RORA: variants seen among roughly 807,000 people sequenced by gnomAD.
The protein encoded by RORA is RAR related orphan receptor A, also known as nuclear receptor ROR-alpha.
A neutral mutation model predicts 69.5 loss-of-function variants in RORA; 7 were observed. The observed-to-expected ratio is 0.10, with a 90% CI of 0.06 to 0.19. The LOEUF is 0.19. Among genes scored for constraint, RORA ranks in the 10% least tolerant of loss-of-function variants. The pLI, the probability that RORA is intolerant of heterozygous loss-of-function variation, is 1.00. For missense variants in RORA, 457 were observed against 663.0 expected, an observed-to-expected ratio of 0.69 and a Z score of 3.41; for synonymous variants, 261 against 240.8, an observed-to-expected ratio of 1.08 and a Z score of -0.78.
At chr15:61,030,757 T>C (rs1896123125) in intron 1 of RORA, among the ~76,000 whole-genome samples, 1 of 152,142 alleles carries the variant, frequency 6.6e-6, no homozygotes, top group African/African-American at 2.4e-5. Flanking sequence ...ATTTTTAAGG[T>C]TGCGTGTATA....
In RORA at chr15:60,501,045, A is replaced by C. The variant is rs2065315351; in HGVS notation, c.1208T>G (p.Val403Gly). The change falls in exon 9 of 11, where the codon GTG becomes GGG. Residue 403 changes from valine to glycine, a missense_variant. By Grantham distance (109) the Val-to-Gly change is moderately radical. Transcript: ENST00000335670. Reference protein sequence around the residue: ...SLGCEDFISFVFEFGKSLCSM... With the variant: ...SLGCEDFISFGFEFGKSLCSM... Reference sequence around the variant, plus strand: ...ACATAAACTCTTTCCAAATTCAAACACAAAGCTAATAAAGTCTTCACAACC... The same window carrying C: ...ACATAAACTCTTTCCAAATTCAAACCCAAAGCTAATAAAGTCTTCACAACC... 6.2e-7 allele frequency: 1 copy of C among 1,607,128 alleles called. No individual in the cohort carries two copies. The highest frequency in any genetic ancestry group is 8.5e-7 in the Non-Finnish European group (1 of 1,174,202).
At chr15:60,807,025 C>A (rs2072668779) in intron 1 of RORA, among the ~76,000 whole-genome samples, 1 of 152,080 alleles carries the variant, frequency 6.6e-6, no homozygotes, top group Non-Finnish European at 1.5e-5. Context: ...CCACTTTTAC[C>A]ACTTCTATTC....
At chr15:60,554,027 G>GT (rs1410852028) in intron 2 of RORA, among the ~76,000 whole-genome samples, 1 of 152,102 alleles carries the variant, frequency 6.6e-6, no homozygotes, top group Non-Finnish European at 1.5e-5. Flanking sequence ...TCTTTTGTAA[G>GT]TTTATTTTGT....
At chr15:61,043,871 C>T (rs1896901609) in intron 1 of RORA, among the ~76,000 whole-genome samples, 1 of 152,106 alleles carries the variant, frequency 6.6e-6, no homozygotes, top group Admixed American at 6.5e-5. Flanking sequence ...CACTGTGTAG[C>T]CTGCTCTTGT....
chr15:61,160,096 G>C (rs934732214), intron 1 of RORA, among the ~76,000 whole-genome samples: 1 of 152,134 alleles, frequency 6.6e-6, no homozygotes, highest in Non-Finnish European at 1.5e-5. Flanking sequence ...TTGTTGAGAA[G>C]AATAAAAGAA....
intron 2 of RORA, among the ~76,000 whole-genome samples, chr15:60,591,782 G>T (rs2068522187): frequency 6.6e-6 from 1 of 152,100 alleles, no homozygotes. Flanking sequence ...CGCGCTTTCG[G>T]AAGTGGCCGC....
At chr15:60,782,128 G>A (rs570456492) in intron 1 of RORA, among the ~76,000 whole-genome samples, 1 of 152,286 alleles carries the variant, frequency 6.6e-6, no homozygotes, top group East Asian at 1.9e-4. Context: ...GGGAGGCTGA[G>A]GCAGAAGAAT....
At chr15:61,122,385 C>T (rs2140820204) in intron 1 of RORA, among the ~76,000 whole-genome samples, 1 of 152,258 alleles carries the variant, frequency 6.6e-6, no homozygotes, top group East Asian at 1.9e-4. Flanking sequence ...GACACAAGAC[C>T]TATGCAGCTG....
Position 60,669,342 on chromosome 15 carries a change from TGTTTG to T in RORA, c.196+9310_196+9314del, listed in dbSNP as rs1374148184. Among the ~76,000 whole-genome samples, 189 of 71,696 alleles carry T rather than the reference TGTTTG, an allele frequency of 2.6e-3. 3 individuals are homozygous for T. The highest frequency in any genetic ancestry group is 8.9e-3 in the South Asian group (30 of 3,356). 47.0% of individuals were successfully genotyped at this position (71,696 alleles called of 152,430 possible). A position where few individuals can be genotyped will look rare whatever the true frequency, so the allele number is the denominator to read the frequency against. On this transcript the variant is annotated intron_variant, in intron 2 of 10. Coordinates refer to ENST00000335670, the MANE Select transcript of RORA (RefSeq NM_134261.3). Reference sequence around the variant, plus strand: ...CTCTCCTTCCCAATAAGCGTTTTTTTGTTTGTTTGTTTGTTTGTTTGTTTGTTTGT... The same window carrying T: ...CTCTCCTTCCCAATAAGCGTTTTTTTTTTGTTTGTTTGTTTGTTTGTTTGT...
At chr15:61,088,951 C>T (rs1358109175) in intron 1 of RORA, among the ~76,000 whole-genome samples, 2 of 152,170 alleles carry the variant, frequency 1.3e-5, no homozygotes, top group African/African-American at 2.4e-5. Flanking sequence ...ATCACAAATA[C>T]GATTGACACT....
intron 1 of RORA, among the ~76,000 whole-genome samples, chr15:61,224,620 T>C (rs2080129254): frequency 6.6e-6 from 1 of 152,198 alleles, no homozygotes; most frequent in Non-Finnish European, 1.5e-5. Flanking sequence ...GGATCTTAAT[T>C]CAGAAGTGAC....
At chr15:60,804,925 G>A (rs2072639611) in intron 1 of RORA, among the ~76,000 whole-genome samples, 1 of 152,300 alleles carries the variant, frequency 6.6e-6, no homozygotes, top group African/African-American at 2.4e-5. Flanking sequence ...TTGTTCTTTT[G>A]TAATGCAGTC....
intron 1 of RORA, among the ~76,000 whole-genome samples, chr15:61,137,078 A>C (rs768803363): frequency 6.7e-6 from 1 of 149,696 alleles, no homozygotes; most frequent in Non-Finnish European, 1.5e-5. Context: ...AAAGAAAGAA[A>C]GAAAGAAAGA....
rs369826704 is a variant in RORA at position 60,532,022 on chromosome 15, T to C, written c.197-171A>G. On this transcript the variant is annotated intron_variant, in intron 2 of 10. Coordinates refer to ENST00000335670, the MANE Select transcript of RORA (RefSeq NM_134261.3). Reference sequence around the variant, plus strand: ...CCCCCTAGAGCCCTGGACTAAATTATGGCTGCTCGTTATATAATAGCTTTC... The same window carrying C: ...CCCCCTAGAGCCCTGGACTAAATTACGGCTGCTCGTTATATAATAGCTTTC... Among the ~76,000 whole-genome samples the C allele has an allele frequency of 5.8e-4, 88 of 152,354 alleles. 2 individuals carry two copies. The South Asian group carries it at 0.018, about 31-fold the overall frequency.
intron 1 of RORA, among the ~76,000 whole-genome samples, chr15:61,055,888 G>C (rs533305442): frequency 3.7e-4 from 56 of 152,206 alleles, no homozygotes; most frequent in Non-Finnish European, 5.4e-4. Flanking sequence ...AATGTCTCTT[G>C]ACAGGTAATA....
At chr15:60,935,284 G>C (rs556010859) in intron 1 of RORA, among the ~76,000 whole-genome samples, 1 of 152,116 alleles carries the variant, frequency 6.6e-6, no homozygotes, top group Non-Finnish European at 1.5e-5. Flanking sequence ...ACATCTCCTC[G>C]CTGGGAGAAA....
At chr15:60,982,224 C>G (rs942102534) in intron 1 of RORA, among the ~76,000 whole-genome samples, 1 of 152,216 alleles carries the variant, frequency 6.6e-6, no homozygotes, top group African/African-American at 2.4e-5. Flanking sequence ...GCCTTCACTT[C>G]CTGATTATGC....
intron 1 of RORA, among the ~76,000 whole-genome samples, chr15:60,899,835 A>G (rs182527824): frequency 1.6e-4 from 24 of 152,344 alleles, no homozygotes; most frequent in Admixed American, 9.8e-4. Flanking sequence ...CAAATGTCAG[A>G]CCACAAAGTC....
At chr15:60,701,169 A>T (rs112097208) in intron 1 of RORA, among the ~76,000 whole-genome samples, 1 of 152,266 alleles carries the variant, frequency 6.6e-6, no homozygotes, top group East Asian at 1.9e-4. Flanking sequence ...CACTCCTTCC[A>T]ATTAAGTACA....
Sources: allele counts gnomAD v4.1 joint callset (sites outside exome capture counted in the v4.1 genomes callset), GRCh38; gene constraint gnomAD v4.1.1; transcripts MANE v1.5; gene names NCBI Gene and HGNC (gene_info 2026-07-23, HGNC 2026-07-21).